The following GCNT2 variants were observed in gnomAD, a reference collection of about 807,000 sequenced individuals.
The protein encoded by GCNT2 is N-acetyllactosaminide beta-1,6-N-acetylglucosaminyl-transferase.
GCNT2 carries 34 observed loss-of-function variants against 34.2 expected under a neutral mutation model. That is an observed-to-expected ratio of 1.00 (90% CI 0.76 to 1.32). The LOEUF (loss-of-function observed/expected upper bound fraction) is 1.32. Among genes scored for constraint, GCNT2 ranks in the 40% most tolerant of loss-of-function variants. The pLI is 0.00. For missense variants in GCNT2, 584 were observed against 489.4 expected, an observed-to-expected ratio of 1.19 and a Z score of -1.82; for synonymous variants, 212 against 188.0, an observed-to-expected ratio of 1.13 and a Z score of -1.04.
intron 3 of GCNT2, among the ~76,000 whole-genome samples, chr6:10,536,808 A>C (rs1056966588): frequency 3.3e-5 from 5 of 150,726 alleles, no homozygotes; most frequent in African/African-American, 1.2e-4. Flanking sequence ...GGTTCAAGTA[A>C]TTCTCCTGCC....
chr6:10,574,164 G>T (rs612959), intron 3 of GCNT2, among the ~76,000 whole-genome samples: 88,111 of 151,976 alleles, frequency 0.58, 25,804 homozygotes, highest in Middle Eastern at 0.7. Flanking sequence ...GCACGCAGAG[G>T]GGCTCTGCAG....
intron 3 of GCNT2, among the ~76,000 whole-genome samples, chr6:10,602,164 T>C (rs1196494733): frequency 6.6e-6 from 1 of 152,196 alleles, no homozygotes; most frequent in African/African-American, 2.4e-5. Context: ...TGTAAACTTT[T>C]TATTGCAATA....
intron 3 of GCNT2, among the ~76,000 whole-genome samples, chr6:10,539,491 G>T (rs1581377394): frequency 6.6e-6 from 1 of 151,668 alleles, no homozygotes; most frequent in East Asian, 1.9e-4. Flanking sequence ...GCCCGGCCCC[G>T]CCATCTCTTT....
chr6:10,552,731 C>T (rs925596763), intron 3 of GCNT2, among the ~76,000 whole-genome samples: 62 of 152,154 alleles, frequency 4.1e-4, no homozygotes, highest in Admixed American at 3.8e-3. Context: ...GTACTTAATA[C>T]GCTGTCCAAA....
At chr6:10,605,208 ATTTT>A (rs869167781) in intron 3 of GCNT2, among the ~76,000 whole-genome samples, 1,901 of 94,208 alleles carry the variant, frequency 0.02, 13 homozygotes, top group East Asian at 0.036. Context: ...TCATGTAGGA[ATTTT>A]TTTTTTTTTT....
At chr6:10,624,820 C>G (rs1185212455) in intron 4 of GCNT2, among the ~76,000 whole-genome samples, 1 of 151,822 alleles carries the variant, frequency 6.6e-6, no homozygotes. Flanking sequence ...TCTGTGGGCC[C>G]CCTCTCTCAG....
intron 4 of GCNT2, among the ~76,000 whole-genome samples, chr6:10,621,858 A>G (rs1367570869): frequency 6.6e-6 from 1 of 151,656 alleles, no homozygotes; most frequent in East Asian, 1.9e-4. Context: ...GGCGTGCACC[A>G]CCACACCTGG....
chr6:10,574,481 G>C (rs1763700803), intron 3 of GCNT2, among the ~76,000 whole-genome samples: 1 of 152,068 alleles, frequency 6.6e-6, no homozygotes, highest in African/African-American at 2.4e-5. Context: ...AGGGGGTGTG[G>C]GTAGAAGGAT....
intron 3 of GCNT2, chr6:10,556,664 T>C: frequency 6.2e-7 from 1 of 1,614,136 alleles, no homozygotes. Context: ...CCAGAGCCAC[T>C]ACATCACAGC....
intron 3 of GCNT2, among the ~76,000 whole-genome samples, chr6:10,620,298 A>T (rs906505923): frequency 1.3e-5 from 2 of 152,250 alleles, no homozygotes; most frequent in Admixed American, 6.5e-5. Flanking sequence ...CATTGCATCA[A>T]AATTCAGATT....
chr6:10,563,270 GACCTA>G (rs1231112166), intron 3 of GCNT2, among the ~76,000 whole-genome samples: 2 of 152,142 alleles, frequency 1.3e-5, no homozygotes, highest in African/African-American at 4.8e-5. Context: ...AATTTTAACT[GACCTA>G]ACCGTACCCT....
In GCNT2 at chr6:10,529,558, C is replaced by T. The variant is rs759596259; in HGVS notation, c.647C>T (p.Thr216Ile). The change falls in exon 3 of 5, where the codon ACC (threonine) becomes ATC (isoleucine). Residue 216 changes from threonine (T) to isoleucine (I), a missense_variant. Thr to Ile is a moderately conservative substitution (Grantham distance 89). Coordinates refer to ENST00000495262, the MANE Select transcript of GCNT2 (RefSeq NM_145649.5). ...YLKGFKGKNI[T>I]PGVLPPDHAV... ...AAGGGATTTAAAGGGAAAAATATCA[C>T]CCCCGGAGTGCTGCCTCCTGACCAC... 8 of 1,614,114 alleles carry T rather than the reference C, an allele frequency of 5.0e-6. No individual in the cohort carries two copies. Among genetic ancestry groups the T allele is most frequent in the Non-Finnish European group, 5.9e-6 (7 of 1,179,972 alleles).
intron 3 of GCNT2, among the ~76,000 whole-genome samples, chr6:10,541,151 TC>T (rs1325896029): frequency 6.6e-6 from 1 of 152,176 alleles, no homozygotes; most frequent in Non-Finnish European, 1.5e-5. Context: ...TAGCTCTTCT[TC>T]CTGATGCTTT....
chr6:10,552,997 C>G (rs965567617), intron 3 of GCNT2, among the ~76,000 whole-genome samples: 1 of 152,328 alleles, frequency 6.6e-6, no homozygotes, highest in Middle Eastern at 3.4e-3. Flanking sequence ...AACAAACTCT[C>G]TCTGAGCCAG....
intron 3 of GCNT2, among the ~76,000 whole-genome samples, chr6:10,574,591 T>C (rs1260467880): frequency 6.6e-6 from 1 of 152,148 alleles, no homozygotes; most frequent in East Asian, 1.9e-4. Context: ...AAATTTAGGA[T>C]GGGGGGAGCA....
chr6:10,527,095 TCAGGGAAG>T (rs375299557), intron 1 of GCNT2, among the ~76,000 whole-genome samples: 43 of 152,370 alleles, frequency 2.8e-4, no homozygotes, highest in Middle Eastern at 3.4e-3. Flanking sequence ...ACTAATGTGA[TCAGGGAAG>T]CAGGGAAATG....
At chr6:10,622,101 G>A (rs187676018) in intron 4 of GCNT2, among the ~76,000 whole-genome samples, 5 of 152,296 alleles carry the variant, frequency 3.3e-5, no homozygotes, top group African/African-American at 9.6e-5. Context: ...CATGATGGAT[G>A]GCAGGTTACA....
chr6:10,523,025 C>T (rs560946703), intron 1 of GCNT2, among the ~76,000 whole-genome samples: 6 of 152,336 alleles, frequency 3.9e-5, no homozygotes, highest in East Asian at 1.9e-4. Context: ...CAAACGCAGG[C>T]GGAAAGTGCC....
intron 4 of GCNT2, chr6:10,621,794 C>T: frequency 5.8e-6 from 2 of 347,386 alleles, no homozygotes; most frequent in South Asian, 4.6e-5. Context: ...ACTGCAGCCT[C>T]AACATCCTGG....
Sources: allele counts gnomAD v4.1 joint callset (sites outside exome capture counted in the v4.1 genomes callset), GRCh38; gene constraint gnomAD v4.1.1; transcripts MANE v1.5; gene names NCBI Gene and HGNC (gene_info 2026-07-23, HGNC 2026-07-21).